NLRP4: variants seen among roughly 807,000 people sequenced by gnomAD.
The protein encoded by NLRP4 is NLR family pyrin domain containing 4.
NLRP4 carries 44 observed loss-of-function variants against 84.7 expected under a neutral mutation model. That is an observed-to-expected ratio of 0.52 (90% CI 0.41 to 0.67). The LOEUF is 0.67. NLRP4 is among the 30% of genes least tolerant of loss of function. The probability of loss-of-function intolerance (pLI) is 0.00; values close to 1 mark genes in which losing one functional copy is unlikely to be tolerated. For missense variants in NLRP4, 1,260 were observed against 1,219.4 expected (o/e 1.03, Z -0.50); for synonymous variants, 544 against 476.4 (o/e 1.14, Z -1.85).
At chr19:55,867,582 A>C in intron 5 of NLRP4, 127 bp from the exon 6 acceptor site, 1 of 749,622 alleles carries the variant, frequency 1.3e-6, no homozygotes, top group South Asian at 1.7e-5. Context: ...GATCAAGAAC[A>C]GGGTTGGGAG....
chr19:55,846,539 C>T (rs916555001), intron 1 of NLRP4, among the ~76,000 whole-genome samples: 2 of 152,108 alleles, frequency 1.3e-5, no homozygotes, highest in African/African-American at 2.4e-5. Context: ...TCTGGGCATG[C>T]GTCAAAATTA....
At chr19:55,853,818 T>A (rs1984279027) in intron 2 of NLRP4, among the ~76,000 whole-genome samples, 1 of 149,888 alleles carries the variant, frequency 6.7e-6, no homozygotes, top group Admixed American at 6.6e-5. Context: ...TCTCTTTCTT[T>A]CTTGCTGTCT....
chr19:55,859,833 C>T (rs575692113), intron 3 of NLRP4, among the ~76,000 whole-genome samples: 5 of 136,404 alleles, frequency 3.7e-5, no homozygotes, highest in South Asian at 5.2e-4. Context: ...AGGCTGAGGC[C>T]GGAGAATCAC....
intron 1 of NLRP4, among the ~76,000 whole-genome samples, chr19:55,841,729 G>T (rs1380296944): frequency 1.3e-5 from 2 of 152,064 alleles, no homozygotes; most frequent in Non-Finnish European, 2.9e-5. Context: ...GCCGGGCATG[G>T]TGGCAGGCAC....
Position 55,867,772 on chromosome 19 carries a change from C to T in NLRP4, c.2250C>T (p.Asn750=). The part of the protein sequence containing the change: ...CEVLAGLLTN[N]KKLTYLNVSC... ...TCCTTGCTGGCCTTCTAACCAACAA[C>T]AAGAAGCTGACGTATCTGAATGTAT... Residue 750 remains asparagine, a synonymous_variant, in exon 6 of 10, where the codon AAC becomes AAT. Coordinates refer to ENST00000301295, the MANE Select transcript of NLRP4 (RefSeq NM_134444.5). The T allele has an allele frequency of 6.2e-7, 1 of 1,614,100 alleles. No individual in the cohort carries two copies.
intron 1 of NLRP4, among the ~76,000 whole-genome samples, chr19:55,850,608 T>G (rs1212196169): frequency 1.0e-5 from 1 of 96,002 alleles, no homozygotes; most frequent in South Asian, 3.5e-4. Context: ...CGGTGTAATT[T>G]ACGAGGCTGC....
At chr19:55,849,977 G>A (rs1413595138) in intron 1 of NLRP4, among the ~76,000 whole-genome samples, 3 of 135,186 alleles carry the variant, frequency 2.2e-5, no homozygotes, top group Non-Finnish European at 3.2e-5. Context: ...TTCCGTAGCT[G>A]CGGTGTAATT....
intron 1 of NLRP4, among the ~76,000 whole-genome samples, chr19:55,850,858 C>T (rs1213771582): frequency 1.3e-5 from 1 of 79,776 alleles, no homozygotes; most frequent in Non-Finnish European, 2.0e-5. Flanking sequence ...TACGAGGCTG[C>T]GGTGTAATTT....
intron 2 of NLRP4, among the ~76,000 whole-genome samples, chr19:55,856,191 A>C (rs1027448926): frequency 6.6e-6 from 1 of 152,000 alleles, no homozygotes; most frequent in East Asian, 1.9e-4. Flanking sequence ...ATGGGGTTTC[A>C]CCATGTTGAC....
At chr19:55,845,439 G>C (rs1433066978) in intron 1 of NLRP4, among the ~76,000 whole-genome samples, 1 of 151,650 alleles carries the variant, frequency 6.6e-6, no homozygotes. Context: ...TTGGACATTT[G>C]GGTTGGTTCC....
At chr19:55,869,186 C>G (rs960771404) in intron 6 of NLRP4, among the ~76,000 whole-genome samples, 2 of 151,928 alleles carry the variant, frequency 1.3e-5, no homozygotes, top group African/African-American at 4.8e-5. Context: ...AACCCCGTCT[C>G]TACTAAAAAT....
intron 7 of NLRP4, among the ~76,000 whole-genome samples, chr19:55,876,041 T>C (rs1985356497): frequency 1.3e-5 from 2 of 151,940 alleles, no homozygotes; most frequent in African/African-American, 4.8e-5. Context: ...CCGTCTCAAA[T>C]AAAAATAATG....
chr19:55,867,951 T>G, intron 6 of NLRP4, 75 bp downstream of exon 6: 1 of 1,283,488 alleles, frequency 7.8e-7, no homozygotes. Context: ...GATGACAGTC[T>G]GCTCATTGAT....
chr19:55,854,815 C>G (rs541168106), intron 2 of NLRP4, among the ~76,000 whole-genome samples: 2 of 152,224 alleles, frequency 1.3e-5, no homozygotes, highest in East Asian at 1.9e-4. Context: ...CTGAACCCCC[C>G]AGGTTCATGC....
In NLRP4 at chr19:55,853,852, TCTCTCTCTTC is replaced by T. The variant is rs535070116; in HGVS notation, c.280+1502_280+1511del. 1.0e-3 allele frequency among the ~76,000 whole-genome samples: 137 copies of T among 135,180 alleles called. 3 individuals are homozygous for T. The South Asian group carries it at 0.03, about 29-fold the overall frequency. The allele number at this position is 135,180 out of a possible 152,430, so 88.7% of individuals were successfully genotyped here. The stretch of plus-strand genomic sequence containing the variant: ...CTCTTTCTCTCTCTCGTTCTGTCTT[TCTCTCTCTTC>T]CTCTCTCTTTCTCTCTTGCTATCTC... On this transcript the variant is annotated intron_variant, in intron 2 of 9. Transcript: ENST00000301295.
At chr19:55,878,647 C>G in intron 8 of NLRP4, 147 bp from the exon 9 acceptor site, 1 of 594,762 alleles carries the variant, frequency 1.7e-6, no homozygotes, top group Non-Finnish European at 2.9e-6. Context: ...TACCCACAGA[C>G]GCGTGATCTG....
At chr19:55,877,759 C>T (rs942723457) in intron 8 of NLRP4, among the ~76,000 whole-genome samples, 2 of 152,098 alleles carry the variant, frequency 1.3e-5, no homozygotes, top group Non-Finnish European at 2.9e-5. Flanking sequence ...ATGTTCTCTT[C>T]CCTCTGTGTG....
intron 2 of NLRP4, among the ~76,000 whole-genome samples, chr19:55,853,907 T>C (rs539698678): frequency 0.021 from 2,304 of 111,598 alleles, 177 homozygotes; most frequent in African/African-American, 0.13. Context: ...CTCTCTCTCT[T>C]TCTCTTTCTT....
intron 1 of NLRP4, among the ~76,000 whole-genome samples, chr19:55,850,710 C>T (rs543383934): frequency 7.3e-6 from 1 of 137,846 alleles, no homozygotes; most frequent in African/African-American, 2.9e-5. Flanking sequence ...GTGTACTTCC[C>T]GAGGCTGCGG....
Sources: gnomAD v4.1 joint callset for allele counts (sites outside exome capture counted in the v4.1 genomes callset) on GRCh38, gnomAD v4.1.1 for gene constraint, MANE v1.5 for transcripts, NCBI Gene and HGNC (gene_info 2026-07-23, HGNC 2026-07-21) for gene names.